Variants in ZNF483 observed in about 807,000 individuals in gnomAD.
ZNF483 encodes the protein zinc finger protein 483, also known as zinc finger protein HIT-10.
Under a neutral mutation model 28.6 loss-of-function variants are expected in ZNF483, and 9 were observed. The observed-to-expected ratio is 0.32, with a 90% confidence interval of 0.19 to 0.55. The LOEUF (loss-of-function observed/expected upper bound fraction) is 0.55. ZNF483 is among the 20% of genes least tolerant of loss of function. The probability of loss-of-function intolerance (pLI) is 0.93; values close to 1 mark genes in which losing one functional copy is unlikely to be tolerated. For synonymous variants in ZNF483, 322 were observed against 306.2 expected (o/e 1.05, Z -0.54); for missense variants, 675 against 871.7 (o/e 0.77, Z 2.84).
At chr9:111,559,746 A>AC (rs1828222009), downstream of ZNF483, among the ~76,000 whole-genome samples, 1 of 151,996 alleles carries the variant, frequency 6.6e-6, no homozygotes, top group Non-Finnish European at 1.5e-5. Context: ...AGGTTCTCCC[A>AC]CCCCAAACCC....
intron 2 of ZNF483, among the ~76,000 whole-genome samples, chr9:111,529,582 T>C (rs1485644966): frequency 6.6e-6 from 1 of 152,268 alleles, no homozygotes; most frequent in African/African-American, 2.4e-5. Context: ...ACTAGGACTA[T>C]GAAGAATACA....
rs962442796 is a variant in ZNF483, at chr9:111,549,165, G to C, written c.*5995G>C. Among the ~76,000 whole-genome samples the C allele has an allele frequency of 6.6e-6, 1 of 152,240 alleles. No homozygotes were observed. Among genetic ancestry groups the C allele is most frequent in the Middle Eastern group, 3.4e-3 (1 of 294 alleles). ...CACTGGAGGTTCTCTGTGTGTGTGA[G>C]TGTATAAATAAAGATTTAATTTTGT... On this transcript the variant is annotated 3_prime_UTR_variant, in exon 6 of 6. Coordinates refer to ENST00000309235, the MANE Select transcript of ZNF483 (RefSeq NM_133464.5).
Position 111,551,479 on chromosome 9 carries a change from T to TCCACTG in ZNF483, c.*8311_*8316dup, listed in dbSNP as rs1317633860. ...CTGGAGTGCAGTGGCGCAATCTTGG[T>TCCACTG]CCACTGCAACCTCCGCCTCCTGGGT... is the stretch of plus-strand genomic sequence containing the variant. On this transcript the variant is annotated 3_prime_UTR_variant, in exon 6 of 6. Coordinates refer to ENST00000309235, the MANE Select transcript of ZNF483 (RefSeq NM_133464.5). 5.9e-5 allele frequency among the ~76,000 whole-genome samples: 8 copies of TCCACTG among 136,020 alleles called. No individual in the cohort carries two copies. Among genetic ancestry groups the TCCACTG allele is most frequent in the African/African-American group, 2.2e-4 (8 of 36,002 alleles). The allele number at this position is 136,020 out of a possible 152,430, so 89.2% of individuals were successfully genotyped here. A position where few individuals can be genotyped will look rare whatever the true frequency, so the allele number is the denominator to read the frequency against.
At chr9:111,562,158 CCA>C (rs1469460613) in intron 5 of ZNF483, among the ~76,000 whole-genome samples, 1 of 152,126 alleles carries the variant, frequency 6.6e-6, no homozygotes, top group African/African-American at 2.4e-5. Flanking sequence ...CAAACGTGAG[CCA>C]CCGCGCCCGG....
chr9:111,528,584 T>C (rs765514727), intron 2 of ZNF483, among the ~76,000 whole-genome samples: 2 of 152,206 alleles, frequency 1.3e-5, no homozygotes, highest in Non-Finnish European at 2.9e-5. Context: ...CAAATATTTG[T>C]ATTTTGCAGT....
intron 5 of ZNF483, among the ~76,000 whole-genome samples, chr9:111,541,399 A>T (rs7873730): frequency 0.11 from 16,732 of 148,474 alleles, 1,139 homozygotes; most frequent in East Asian, 0.26. Context: ...TAAACCTCTT[A>T]AAAAAATTCA....
chr9:111,570,207 G>A lies in ZNF483; in HGVS notation c.722-6158G>A, dbSNP rs563753365. On this transcript the variant is annotated intron_variant, in intron 5 of 5. Coordinates refer to the ZNF483 transcript ENST00000358151. Reference sequence around the variant, plus strand: ...TGATAGATAACAATCTCTGGGGGTGGGCCTGTGAAGAGAAGGGCACATTTG... The same window carrying A: ...TGATAGATAACAATCTCTGGGGGTGAGCCTGTGAAGAGAAGGGCACATTTG... 1.9e-6 allele frequency: 3 copies of A among 1,612,848 alleles called. No homozygotes were observed. Among genetic ancestry groups the A allele is most frequent in the Admixed American group, 1.7e-5 (1 of 59,878 alleles).
Position 111,542,586 on chromosome 9 carries a change from T to C in ZNF483, c.1651T>C (p.Tyr551His). The change falls in exon 6 of 6, where the codon TAT (tyrosine) becomes CAT (histidine). Residue 551 changes from tyrosine (Y) to histidine (H), a missense_variant. Tyr to His is a moderately conservative substitution (Grantham distance 83, BLOSUM62 2). Coordinates refer to ENST00000309235, the MANE Select transcript of ZNF483 (RefSeq NM_133464.5). The surrounding 1 kb of genome is among the most constrained non-coding windows in gnomAD (Gnocchi z 6.2). ...HQRIHTGEKP[Y>H]TCSNCGKSFS... The stretch of plus-strand genomic sequence containing the variant: ...GCGAATTCATACTGGAGAAAAACCC[T>C]ATACATGTAGCAATTGTGGAAAATC... 6.2e-7 allele frequency: 1 copy of C among 1,614,108 alleles called. No homozygotes were observed. Among genetic ancestry groups the C allele is most frequent in the Non-Finnish European group, 8.5e-7 (1 of 1,180,002 alleles).
In ZNF483 at chr9:111,542,945, G is replaced by A; in HGVS notation, c.2010G>A (p.Lys670=). Residue 670 remains lysine, a synonymous_variant, in exon 6 of 6, where the codon AAG becomes AAA. Coordinates refer to ENST00000309235, the MANE Select transcript of ZNF483 (RefSeq NM_133464.5). This position sits in a 1 kb window ranked among gnomAD's most constrained non-coding sequence, Gnocchi z 6.2. ...CTTATAAATGTAAAGAATGTGGGAA[G>A]TCCTTCAGTCAGAGTTCATCTCTTA... ...VKPYKCKECG[K]SFSQSSSLNE... 1 of 1,614,062 alleles carries A rather than the reference G, an allele frequency of 6.2e-7. No homozygotes were observed. Among genetic ancestry groups the A allele is most frequent in the Non-Finnish European group, 8.5e-7 (1 of 1,179,984 alleles).
chr9:111,544,084 C>A lies in ZNF483; in HGVS notation c.*914C>A, dbSNP rs1827745234. The A allele has an allele frequency of 2.0e-6, 2 of 985,368 alleles. No homozygotes were observed. The highest frequency in any genetic ancestry group is 2.4e-6 in the Non-Finnish European group (2 of 829,944). 61.0% of individuals were successfully genotyped at this position (985,368 alleles called of 1,614,324 possible). On this transcript the variant is annotated 3_prime_UTR_variant, in exon 6 of 6. Coordinates refer to ENST00000309235, the MANE Select transcript of ZNF483 (RefSeq NM_133464.5). ...ACAAGGGAACTCTTTTTCTTTTGGG[C>A]ATTGGCCAACAGGACTGAGAAGCCA... is the stretch of plus-strand genomic sequence containing the variant.
chr9:111,554,788 A>G lies in ZNF483; in HGVS notation c.*11618A>G, dbSNP rs1034600814. ...AGATTGAGGGTAACTGAAACCACGG[A>G]AAGTGAAACTTTGAATAAGGGGAGA... is the stretch of plus-strand genomic sequence containing the variant. On this transcript the variant is annotated 3_prime_UTR_variant, in exon 6 of 6. Coordinates refer to ENST00000309235, the MANE Select transcript of ZNF483 (RefSeq NM_133464.5). Among the ~76,000 whole-genome samples the G allele has an allele frequency of 1.3e-5, 2 of 152,198 alleles. No homozygotes were observed. The highest frequency in any genetic ancestry group is 4.8e-5 in the African/African-American group (2 of 41,440).
exon 6 of ZNF483, chr9:111,576,374 G>A (rs745896377): frequency 6.2e-7 from 1 of 1,614,062 alleles, no homozygotes; most frequent in Non-Finnish European, 8.5e-7. Flanking sequence ...GACATACATG[G>A]AGCAGTAAAA....
chr9:111,527,722 G>A lies in ZNF483; in HGVS notation c.327G>A (p.Arg109=). The change falls in exon 2 of 6, where the codon AGG becomes AGA. Residue 109 remains arginine, a synonymous_variant. Coordinates refer to ENST00000309235, the MANE Select transcript of ZNF483 (RefSeq NM_133464.5). ...QFLTILPGEI[R]IWVKSQHPES... ...TGACCATTTTGCCTGGGGAGATCAG[G>A]ATTTGGGTAAAGTCACAACATCCTG... 1 of 1,614,166 alleles carries A rather than the reference G, an allele frequency of 6.2e-7. No individual in the cohort carries two copies. Among genetic ancestry groups the A allele is most frequent in the Non-Finnish European group, 8.5e-7 (1 of 1,180,034 alleles).
Position 111,543,440 on chromosome 9 carries a change from C to G in ZNF483, c.*270C>G, listed in dbSNP as rs1827721967. On this transcript the variant is annotated 3_prime_UTR_variant, in exon 6 of 6. Coordinates refer to ENST00000309235, the MANE Select transcript of ZNF483 (RefSeq NM_133464.5). ...AAAAGCTCTTTTCTTCAGGGGATTT[C>G]TCTCTGATTTCTTCTACTACCATGT... The G allele has an allele frequency of 8.5e-7, 1 of 1,182,784 alleles. No homozygotes were observed. Among genetic ancestry groups the G allele is most frequent in the African/African-American group, 1.6e-5 (1 of 63,326 alleles). 73.3% of individuals were successfully genotyped at this position (1,182,784 alleles called of 1,614,324 possible). A position where few individuals can be genotyped will look rare whatever the true frequency, so the allele number is the denominator to read the frequency against.
At chr9:111,541,276 A>C (rs112448575) in intron 5 of ZNF483, among the ~76,000 whole-genome samples, 3,290 of 152,018 alleles carry the variant, frequency 0.022, 70 homozygotes, top group Non-Finnish European at 0.034. Flanking sequence ...TTTTTAGTAG[A>C]GATGGGGTTT....
Position 111,542,844 on chromosome 9 carries a change from T to C in ZNF483, c.1909T>C (p.Cys637Arg). 6.2e-7 allele frequency: 1 copy of C among 1,614,144 alleles called. No individual in the cohort carries two copies. The highest frequency in any genetic ancestry group is 8.5e-7 in the Non-Finnish European group (1 of 1,180,034). ...RLHSGEKPYK[C>R]NQCEKAFPTH... ...TCATTCAGGAGAAAAACCCTACAAATGTAACCAGTGTGAGAAAGCCTTCCC... is the reference window on the plus strand; with the variant it reads ...TCATTCAGGAGAAAAACCCTACAAACGTAACCAGTGTGAGAAAGCCTTCCC... Residue 637 changes from cysteine (C) to arginine (R), a missense_variant, in exon 6 of 6, where the codon TGT becomes CGT. Cys to Arg is a radical substitution (Grantham distance 180). Around this residue, in one of 6 missense-constraint regions of ZNF483, gnomAD observed 47 missense variants for 93.5 expected, o/e 0.50. Transcript: ENST00000309235. The surrounding 1 kb of genome is among the most constrained non-coding windows in gnomAD (Gnocchi z 6.2).
rs1353957112 is a variant in ZNF483, at chr9:111,570,356, G to T, written c.722-6009G>T. On this transcript the variant is annotated intron_variant, in intron 5 of 5. Coordinates refer to the ZNF483 transcript ENST00000358151. ...ATTTCCTCACTCCTTTCTGATCCAC[G>T]GGACTGCTGGCCAATCAACATGCAC... is the stretch of plus-strand genomic sequence containing the variant. 2.8e-5 allele frequency: 38 copies of T among 1,348,602 alleles called. No homozygotes were observed. The East Asian group carries it at 9.4e-4, about 33-fold the overall frequency. 83.5% of individuals were successfully genotyped at this position (1,348,602 alleles called of 1,614,324 possible). A position where few individuals can be genotyped will look rare whatever the true frequency, so the allele number is the denominator to read the frequency against.
chr9:111,534,081 CATTTTG>C (rs1827416478), intron 4 of ZNF483, among the ~76,000 whole-genome samples, 174 bp from the exon 5 acceptor site: 1 of 152,178 alleles, frequency 6.6e-6, no homozygotes, highest in South Asian at 2.1e-4. Flanking sequence ...TGTGAAGCAT[CATTTTG>C]ATTTCATCAG....
At chr9:111,532,275 G>A (rs1827367135) in intron 3 of ZNF483, among the ~76,000 whole-genome samples, 1 of 152,158 alleles carries the variant, frequency 6.6e-6, no homozygotes, top group South Asian at 2.1e-4. Context: ...AGGCTGCAGT[G>A]AGCTATGATT....
Sources: allele counts gnomAD v4.1 joint callset (sites outside exome capture counted in the v4.1 genomes callset), GRCh38; gene constraint gnomAD v4.1.1; regional missense constraint gnomAD v4.1.1; non-coding constraint Gnocchi (gnomAD v3.1); transcripts MANE v1.5; gene names NCBI Gene and HGNC (gene_info 2026-07-23, HGNC 2026-07-21).